The following ENOX1 variants were observed in gnomAD, a reference collection of about 807,000 sequenced individuals.
ENOX1 encodes ecto-NOX disulfide-thiol exchanger 1.
In ENOX1, 42 loss-of-function variants were observed where a neutral mutation model predicts 82.5. The ratio of observed to expected loss-of-function variants is 0.51; its 90% CI spans 0.40 to 0.66. ENOX1 has a LOEUF of 0.66. Among genes scored for constraint, ENOX1 ranks in the 30% least tolerant of loss-of-function variants. The pLI is 0.00. For missense variants in ENOX1, 608 were observed against 811.6 expected (o/e 0.75, Z 3.05); for synonymous variants, 271 against 282.2 (o/e 0.96, Z 0.40).
intron 1 of ENOX1, among the ~76,000 whole-genome samples, chr13:43,691,437 T>G (rs2086359843): frequency 6.6e-6 from 1 of 152,052 alleles, no homozygotes. Flanking sequence ...GATAGTATCA[T>G]GCCTTTGTAT....
chr13:43,399,005 A>G lies in ENOX1; in HGVS notation c.208+12911T>C, dbSNP rs1414279097. ...TAGGTTTTACCACCATGTTGGTTAG[A>G]CTGATTTCAAACTCCTGGACTCAAG... On this transcript the variant is annotated intron_variant, in intron 5 of 16. Transcript: ENST00000690772. Among the ~76,000 whole-genome samples the G allele has an allele frequency of 4.0e-5, 6 of 150,970 alleles. No homozygotes were observed. The South Asian group carries it at 1.1e-3, about 27-fold the overall frequency.
At chr13:43,283,772 T>G (rs1349763548) in intron 12 of ENOX1, among the ~76,000 whole-genome samples, 1 of 152,056 alleles carries the variant, frequency 6.6e-6, no homozygotes, top group African/African-American at 2.4e-5. Context: ...CAATAGAAAT[T>G]GGATGCTTAC....
intron 5 of ENOX1, among the ~76,000 whole-genome samples, chr13:43,376,697 A>C (rs926924152): frequency 2.6e-5 from 4 of 152,238 alleles, no homozygotes; most frequent in Non-Finnish European, 5.9e-5. Flanking sequence ...CTAATTCCAC[A>C]GGATAATGTC....
intron 2 of ENOX1, among the ~76,000 whole-genome samples, chr13:43,525,816 T>A (rs762658636): frequency 6.6e-6 from 1 of 152,176 alleles, no homozygotes; most frequent in Non-Finnish European, 1.5e-5. Flanking sequence ...GCCCATTTTT[T>A]AATCAGGCTG....
At chr13:43,743,317 C>T (rs1415577148) in intron 1 of ENOX1, among the ~76,000 whole-genome samples, 1 of 152,068 alleles carries the variant, frequency 6.6e-6, no homozygotes, top group African/African-American at 2.4e-5. Flanking sequence ...CAAATTTTAC[C>T]ACAAGACAGT....
At chr13:43,600,119 G>A (rs1217862819) in intron 2 of ENOX1, among the ~76,000 whole-genome samples, 1 of 152,048 alleles carries the variant, frequency 6.6e-6, no homozygotes, top group African/African-American at 2.4e-5. Context: ...TATGGGGAAG[G>A]ACCCCTTACG....
intron 5 of ENOX1, among the ~76,000 whole-genome samples, chr13:43,371,611 T>C (rs939151205): frequency 6.6e-6 from 1 of 152,248 alleles, no homozygotes; most frequent in Non-Finnish European, 1.5e-5. Context: ...CCTTCATTTC[T>C]GTTTACAAAG....
intron 15 of ENOX1, among the ~76,000 whole-genome samples, chr13:43,235,589 G>C (rs148000356): frequency 6.6e-5 from 10 of 152,056 alleles, no homozygotes; most frequent in African/African-American, 2.2e-4. Flanking sequence ...AAAATTAGCT[G>C]GGCGTGGTGG....
At chr13:43,751,688 T>C (rs951739990) in intron 1 of ENOX1, among the ~76,000 whole-genome samples, 1 of 152,198 alleles carries the variant, frequency 6.6e-6, no homozygotes, top group Admixed American at 6.5e-5. Context: ...CTGAGATTCA[T>C]ACACAGTGTA....
intron 1 of ENOX1, among the ~76,000 whole-genome samples, chr13:43,759,984 T>G (rs1447858729): frequency 6.6e-6 from 1 of 152,200 alleles, no homozygotes; most frequent in East Asian, 1.9e-4. Flanking sequence ...AGAAAATAAC[T>G]GCTTCATTAT....
intron 5 of ENOX1, among the ~76,000 whole-genome samples, chr13:43,400,133 G>A (rs1201431574): frequency 6.6e-6 from 1 of 152,072 alleles, no homozygotes; most frequent in Non-Finnish European, 1.5e-5. Flanking sequence ...TGCCTACTGG[G>A]AGGACACAAC....
intron 3 of ENOX1, among the ~76,000 whole-genome samples, chr13:43,464,052 T>C (rs1443617908): frequency 6.6e-6 from 1 of 152,206 alleles, no homozygotes; most frequent in African/African-American, 2.4e-5. Context: ...TGTGCTATTG[T>C]AGAAACATTT....
At chr13:43,599,620 C>A (rs2081615311) in intron 2 of ENOX1, among the ~76,000 whole-genome samples, 5 of 151,904 alleles carry the variant, frequency 3.3e-5, no homozygotes, top group Admixed American at 3.3e-4. Context: ...AATTCCTGGG[C>A]AAGTTCTGGT....
chr13:43,366,733 T>A (rs1196250114), intron 5 of ENOX1, among the ~76,000 whole-genome samples: 1 of 152,218 alleles, frequency 6.6e-6, no homozygotes, highest in African/African-American at 2.4e-5. Context: ...TCTGCAGTCA[T>A]GCACTGGCTG....
At chr13:43,638,562 C>A (rs1429306385) in intron 2 of ENOX1, among the ~76,000 whole-genome samples, 1 of 152,184 alleles carries the variant, frequency 6.6e-6, no homozygotes, top group Non-Finnish European at 1.5e-5. Context: ...CTGTGCAGTG[C>A]ATAGTAAAAG....
At chr13:43,763,939 ATT>A (rs1951128922) in intron 1 of ENOX1, among the ~76,000 whole-genome samples, 1 of 152,226 alleles carries the variant, frequency 6.6e-6, no homozygotes, top group African/African-American at 2.4e-5. Context: ...TTCATAGAGA[ATT>A]TGTATCCTAG....
chr13:43,677,679 A>AT (rs2085577307), intron 1 of ENOX1, among the ~76,000 whole-genome samples: 2 of 152,154 alleles, frequency 1.3e-5, no homozygotes, highest in East Asian at 3.9e-4. Context: ...TTTGCAAAGC[A>AT]TTTTTTTACA....
At chr13:43,759,705 T>C (rs1319426634) in intron 1 of ENOX1, among the ~76,000 whole-genome samples, 1 of 152,214 alleles carries the variant, frequency 6.6e-6, no homozygotes, top group Non-Finnish European at 1.5e-5. Context: ...ATGACTTTTT[T>C]TCATCACCTT....
At chr13:43,724,419 C>T (rs1018948877) in intron 1 of ENOX1, among the ~76,000 whole-genome samples, 4 of 152,070 alleles carry the variant, frequency 2.6e-5, no homozygotes, top group African/African-American at 9.7e-5. Flanking sequence ...GTACCTCCAA[C>T]ACATGGAATG....
Sources: allele counts gnomAD v4.1 joint callset (sites outside exome capture counted in the v4.1 genomes callset), GRCh38; gene constraint gnomAD v4.1.1; transcripts MANE v1.5; gene names NCBI Gene and HGNC (gene_info 2026-07-23, HGNC 2026-07-21).